Variants in FMN2 observed in about 807,000 individuals in gnomAD.
The protein encoded by FMN2 is formin-2.
A neutral mutation model predicts 142.3 loss-of-function variants in FMN2; 51 were observed. The ratio of observed to expected loss-of-function variants is 0.36; its 90% CI spans 0.29 to 0.45. The LOEUF is 0.45. Among genes scored for constraint, FMN2 ranks in the 20% least tolerant of loss-of-function variants. The probability of loss-of-function intolerance (pLI) is 1.00; values close to 1 mark genes in which losing one functional copy is unlikely to be tolerated. For missense variants in FMN2, 1,936 were observed against 2,122.8 expected (o/e 0.91, Z 1.73); for synonymous variants, 882 against 869.8 (o/e 1.01, Z -0.25).
intron 6 of FMN2, among the ~76,000 whole-genome samples, chr1:240,214,598 A>G (rs1666824341): frequency 6.6e-6 from 1 of 151,856 alleles, no homozygotes; most frequent in Non-Finnish European, 1.5e-5. Context: ...ATCTCTTATG[A>G]TGTTCATGCT....
chr1:240,193,736 T>A (rs921839060), intron 4 of FMN2, among the ~76,000 whole-genome samples: 3 of 152,250 alleles, frequency 2.0e-5, no homozygotes, highest in African/African-American at 7.2e-5. Flanking sequence ...GAGCCCAGTC[T>A]TATCTGGATT....
intron 8 of FMN2, among the ~76,000 whole-genome samples, chr1:240,303,841 A>G (rs76368128): frequency 0.14 from 21,579 of 151,838 alleles, 1,956 homozygotes; most frequent in African/African-American, 0.25. Context: ...GGCTGTCTTC[A>G]CTTTTCTTCC....
chr1:240,255,316 G>A (rs1373141944), intron 6 of FMN2, among the ~76,000 whole-genome samples: 1 of 152,092 alleles, frequency 6.6e-6, no homozygotes, highest in Non-Finnish European at 1.5e-5. Context: ...TGTGGAGGAG[G>A]CGAGTACCAG....
chr1:240,307,085 T>G (rs183201910), intron 8 of FMN2, among the ~76,000 whole-genome samples: 1 of 152,344 alleles, frequency 6.6e-6, no homozygotes, highest in Admixed American at 6.5e-5. Flanking sequence ...CACTTTTTAA[T>G]GAGGTTGTTT....
At chr1:240,313,240 CCCAT>C (rs1670654376) in intron 8 of FMN2, among the ~76,000 whole-genome samples, 2 of 152,334 alleles carry the variant, frequency 1.3e-5, no homozygotes, top group South Asian at 4.1e-4. Flanking sequence ...TCCTTTTTCT[CCCAT>C]CCAAGTGGGA....
intron 7 of FMN2, among the ~76,000 whole-genome samples, chr1:240,291,319 A>G (rs1669787027): frequency 7.6e-6 from 1 of 131,132 alleles, no homozygotes; most frequent in African/African-American, 2.8e-5. Context: ...GGTTAAATTG[A>G]TTTATATATA....
In FMN2 at chr1:240,308,975, T is replaced by C. The variant is rs568895812; in HGVS notation, c.4215+14092T>C. ...GTTTGAGTGGTCTGTTCCTTCATAA[T>C]TGATATGCAGACACAGGGGTCTAGT... On this transcript the variant is annotated intron_variant, in intron 8 of 17. Transcript: ENST00000319653. Among the ~76,000 whole-genome samples the C allele has an allele frequency of 1.1e-4, 16 of 152,250 alleles. No individual in the cohort carries two copies. In the East Asian group the frequency reaches 2.5e-3, roughly 24 times the overall value.
chr1:240,461,990 AT>A (rs1269144742), intron 16 of FMN2, among the ~76,000 whole-genome samples: 1 of 152,186 alleles, frequency 6.6e-6, no homozygotes, highest in Admixed American at 6.5e-5. Flanking sequence ...AACAATATCT[AT>A]ATAAATTTTA....
chr1:240,255,486 T>A (rs1668423541), intron 6 of FMN2, among the ~76,000 whole-genome samples: 1 of 152,150 alleles, frequency 6.6e-6, no homozygotes, highest in Non-Finnish European at 1.5e-5. Context: ...CATTTATCTA[T>A]GTAAGATAAA....
At chr1:240,388,929 T>C (rs528026070) in intron 14 of FMN2, among the ~76,000 whole-genome samples, 1 of 152,038 alleles carries the variant, frequency 6.6e-6, no homozygotes, top group African/African-American at 2.4e-5. Flanking sequence ...GCCCGGTGAT[T>C]TGATGACAAT....
At chr1:240,266,907 T>A (rs1183400601) in intron 7 of FMN2, among the ~76,000 whole-genome samples, 1 of 152,102 alleles carries the variant, frequency 6.6e-6, no homozygotes, top group Non-Finnish European at 1.5e-5. Flanking sequence ...AGAATGAAAC[T>A]GGACCCCCAA....
intron 1 of FMN2, among the ~76,000 whole-genome samples, chr1:240,113,551 C>T (rs900226783): frequency 1.6e-4 from 17 of 109,178 alleles, no homozygotes; most frequent in African/African-American, 6.0e-4. Flanking sequence ...GAGCAAGACT[C>T]CGTCTCAAAA....
chr1:240,199,432 T>A (rs1666047347), intron 4 of FMN2, among the ~76,000 whole-genome samples: 1 of 152,206 alleles, frequency 6.6e-6, no homozygotes, highest in African/African-American at 2.4e-5. Flanking sequence ...TTTACTTGAG[T>A]GTATCTTGGC....
rs1558289047 is a variant in FMN2 at position 240,092,421 on chromosome 1, G to A, written c.312G>A (p.Gln104=). The A allele has an allele frequency of 6.2e-7, 1 of 1,612,316 alleles. No individual in the cohort carries two copies. Among genetic ancestry groups the A allele is most frequent in the Admixed American group, 1.7e-5 (1 of 59,874 alleles). Residue 104 remains glutamine, a synonymous_variant, in exon 1 of 18, where the codon CAG becomes CAA. Coordinates refer to ENST00000319653, the MANE Select transcript of FMN2 (RefSeq NM_020066.5). ...ATGTACTGGATTCCCAGGCCCTGCA[G>A]ACCGGGGAGCTGGACAGCGCTCACT... ...REDVLDSQAL[Q]TGELDSAHSL...
chr1:240,294,742 G>C lies in FMN2; in HGVS notation c.4154-80G>C, dbSNP rs61626296. 50 of 1,308,836 alleles carry C rather than the reference G, an allele frequency of 3.8e-5. No homozygotes were observed. In the African/African-American group the frequency reaches 6.9e-4, roughly 18 times the overall value. 81.1% of individuals were successfully genotyped at this position (1,308,836 alleles called of 1,614,324 possible). A position where few individuals can be genotyped will look rare whatever the true frequency, so the allele number is the denominator to read the frequency against. On this transcript the variant is annotated intron_variant, in intron 7 of 17. Coordinates refer to ENST00000319653, the MANE Select transcript of FMN2 (RefSeq NM_020066.5). ...CCCTGCTCCCTCTGGCTGCTGAGCC[G>C]TGAGCCTGCTGCCTGAGATGGTCAA...
Position 240,208,351 on chromosome 1 carries a change from C to T in FMN2, c.3539C>T (p.Pro1180Leu). Residue 1180 changes from proline (P) to leucine (L), a missense_variant, in exon 5 of 18, where the codon CCT (proline) becomes CTT (leucine). Around this residue, in one of 8 missense-constraint regions of FMN2, gnomAD observed 259 missense variants for 230.9 expected, o/e 1.12. Transcript: ENST00000319653. ...GAGIPPPPPL[P>L]GVGIPPPPPL... ...GGCATACCCCCTCCGCCCCCTCTAC[C>T]TGGAGTGGGAATACCTCCTCCGCCC... The T allele has an allele frequency of 6.6e-7, 1 of 1,522,510 alleles. No homozygotes were observed. The highest frequency in any genetic ancestry group is 8.9e-7 in the Non-Finnish European group (1 of 1,122,726). The allele number at this position is 1,522,510 out of a possible 1,614,324, so 94.3% of individuals were successfully genotyped here. A position where few individuals can be genotyped will look rare whatever the true frequency, so the allele number is the denominator to read the frequency against.
chr1:240,121,376 T>A (rs1312605050), intron 1 of FMN2, among the ~76,000 whole-genome samples: 2 of 139,400 alleles, frequency 1.4e-5, no homozygotes, highest in Admixed American at 1.5e-4. Context: ...ATTTTTTTTA[T>A]TTTTATTTTT....
rs1322715022 is a variant in FMN2 at position 240,232,228 on chromosome 1, C to T, written c.4065+20993C>T. On this transcript the variant is annotated intron_variant, in intron 6 of 17. Transcript: ENST00000319653. The stretch of plus-strand genomic sequence containing the variant: ...GGAACTACAGGCACCAGGCACACAC[C>T]AACCACCAGGCCCAGCTAATCTTTT... Among the ~76,000 whole-genome samples, 6 of 150,958 alleles carry T rather than the reference C, an allele frequency of 4.0e-5. No homozygotes were observed. In the East Asian group the frequency reaches 1.2e-3, roughly 29 times the overall value.
chr1:240,301,411 GT>G (rs995994094), intron 8 of FMN2, among the ~76,000 whole-genome samples: 1 of 151,620 alleles, frequency 6.6e-6, no homozygotes, highest in Non-Finnish European at 1.5e-5. Context: ...TTTAAATATA[GT>G]TTTTTTATAT....
Sources: allele counts gnomAD v4.1 joint callset (sites outside exome capture counted in the v4.1 genomes callset), GRCh38; gene constraint gnomAD v4.1.1; regional missense constraint gnomAD v4.1.1; transcripts MANE v1.5; gene names NCBI Gene and HGNC (gene_info 2026-07-23, HGNC 2026-07-21).